Variants in FER observed in about 807,000 individuals in gnomAD.
FER encodes the protein FER tyrosine kinase.
Under a neutral mutation model 111.0 loss-of-function variants are expected in FER, and 63 were observed. That is an observed-to-expected ratio of 0.57 (90% CI 0.46 to 0.70). The LOEUF (loss-of-function observed/expected upper bound fraction) is 0.70, where lower values mean the gene tolerates loss of function less well. FER is among the 30% of genes least tolerant of loss of function. FER has a pLI of 0.00. For missense variants in FER, 914 were observed against 954.0 expected, an observed-to-expected ratio of 0.96 and a Z score of 0.55; for synonymous variants, 327 against 313.9, an observed-to-expected ratio of 1.04 and a Z score of -0.44.
chr5:108,807,151 C>T (rs866650640), intron 3 of FER, among the ~76,000 whole-genome samples: 15 of 152,144 alleles, frequency 9.9e-5, no homozygotes, highest in African/African-American at 2.9e-4. Context: ...AATTTTCCTG[C>T]ACTAGCTCTC....
intron 13 of FER, among the ~76,000 whole-genome samples, chr5:109,016,502 A>G (rs1220368417): frequency 2.6e-5 from 4 of 152,094 alleles, no homozygotes; most frequent in Non-Finnish European, 5.9e-5. Context: ...CACTTTAACC[A>G]AGGACAACAG....
At chr5:109,180,667 G>A in intron 17 of FER, 80 bp from the exon 18 acceptor site, 1 of 1,451,252 alleles carries the variant, frequency 6.9e-7, no homozygotes. Context: ...ATGTAAAAAT[G>A]CAAAGTGTGG....
chr5:109,161,955 C>T (rs116727296), intron 17 of FER, among the ~76,000 whole-genome samples: 4,565 of 152,040 alleles, frequency 0.03, 234 homozygotes, highest in African/African-American at 0.11. Context: ...ATAGCCATTC[C>T]GACTGGTGTG....
At chr5:108,882,045 G>A (rs1364053467) in intron 8 of FER, among the ~76,000 whole-genome samples, 2 of 151,988 alleles carry the variant, frequency 1.3e-5, no homozygotes, top group African/African-American at 4.8e-5. Context: ...ACCTAATTCT[G>A]TTTTAGTGAC....
chr5:108,974,014 A>C (rs1761007895), intron 13 of FER, among the ~76,000 whole-genome samples: 1 of 152,170 alleles, frequency 6.6e-6, no homozygotes, highest in Admixed American at 6.5e-5. Context: ...GAAGATCATC[A>C]ATGTTCATCT....
intron 5 of FER, among the ~76,000 whole-genome samples, chr5:108,856,111 T>G (rs571593257): frequency 3.3e-5 from 5 of 152,232 alleles, no homozygotes; most frequent in African/African-American, 9.6e-5. Context: ...ATAAATAGAT[T>G]AGTCTTCACT....
intron 2 of FER, among the ~76,000 whole-genome samples, chr5:108,794,536 C>CG (rs983657029): frequency 3.1e-5 from 4 of 127,380 alleles, no homozygotes; most frequent in Non-Finnish European, 6.8e-5. Flanking sequence ...ACCCCCCCCC[C>CG]TCCCCGCACC....
intron 13 of FER, among the ~76,000 whole-genome samples, chr5:108,991,386 G>A (rs899230657): frequency 7.2e-5 from 11 of 151,770 alleles, no homozygotes; most frequent in African/African-American, 2.4e-4. Context: ...AAGTGTCACG[G>A]CCCCCCCAAA....
At chr5:109,002,165 G>A (rs1465125377) in intron 13 of FER, among the ~76,000 whole-genome samples, 6 of 151,174 alleles carry the variant, frequency 4.0e-5, no homozygotes, top group African/African-American at 1.5e-4. Flanking sequence ...GCATTGCCAA[G>A]TCACTCCTAA....
At chr5:109,049,581 A>G (rs968075881) in intron 16 of FER, among the ~76,000 whole-genome samples, 1 of 151,788 alleles carries the variant, frequency 6.6e-6, no homozygotes, top group African/African-American at 2.4e-5. Flanking sequence ...TTTTTTTTAA[A>G]ATGCTAAATT....
chr5:108,798,017 G>C (rs1756230509), intron 2 of FER, 107 bp from the exon 3 acceptor site: 1 of 546,238 alleles, frequency 1.8e-6, no homozygotes, highest in Non-Finnish European at 3.2e-6. Context: ...GTATTCAGTT[G>C]TGTTTTTTTT....
rs1174970525 is a variant in FER at position 109,190,811 on chromosome 5, G to T, written c.*3236G>T. On this transcript the variant is annotated 3_prime_UTR_variant, in exon 20 of 20. Transcript: ENST00000281092. ...TAATTCACTGTTTTATTACAAATAC[G>T]ATATTACTGAAACATCTTATTAGCA... 6.6e-6 allele frequency: 1 copy of T among 152,114 alleles called. No individual in the cohort carries two copies. The highest frequency in any genetic ancestry group is 1.5e-5 in the Non-Finnish European group (1 of 68,000). 9.4% of individuals were successfully genotyped at this position (152,114 alleles called of 1,614,324 possible).
intron 7 of FER, among the ~76,000 whole-genome samples, 167 bp from the exon 8 acceptor site, chr5:108,871,926 C>T (rs1333602484): frequency 6.6e-6 from 1 of 151,994 alleles, no homozygotes; most frequent in African/African-American, 2.4e-5. Context: ...ATCTAAGTCT[C>T]AAGTTACACA....
chr5:109,125,569 A>G (rs923447622), intron 17 of FER, among the ~76,000 whole-genome samples: 4 of 152,230 alleles, frequency 2.6e-5, no homozygotes, highest in African/African-American at 9.6e-5. Context: ...AATTAGGATA[A>G]TAATAGCACT....
At chr5:109,182,559 T>G (rs1299327690) in intron 18 of FER, among the ~76,000 whole-genome samples, 1 of 152,220 alleles carries the variant, frequency 6.6e-6, no homozygotes, top group Non-Finnish European at 1.5e-5. Context: ...AAGGTTTTTG[T>G]TAGATGACAA....
intron 13 of FER, among the ~76,000 whole-genome samples, chr5:109,016,918 A>T (rs914455829): frequency 1.3e-5 from 2 of 151,976 alleles, no homozygotes; most frequent in Non-Finnish European, 2.9e-5. Context: ...TTATAAGAGG[A>T]AGAGAGACCT....
Position 108,946,073 on chromosome 5 carries a change from G to A in FER, c.1237-57G>A, listed in dbSNP as rs184428455. ...TGGATAAGTACCTAAATACATAAAT[G>A]TCTATACATATTGGATAGTTTACTG... On this transcript the variant is annotated intron_variant, in intron 10 of 19. Transcript: ENST00000281092. 5.9e-6 allele frequency: 7 copies of A among 1,182,440 alleles called. No individual in the cohort carries two copies. The Admixed American group carries it at 8.6e-5, about 15-fold the overall frequency. 73.2% of individuals were successfully genotyped at this position (1,182,440 alleles called of 1,614,324 possible).
At chr5:109,105,336 T>A (rs1447622836) in intron 17 of FER, among the ~76,000 whole-genome samples, 2 of 151,700 alleles carry the variant, frequency 1.3e-5, no homozygotes, top group Non-Finnish European at 2.9e-5. Flanking sequence ...ACCATTTACA[T>A]TTTTCCCGAT....
chr5:109,119,311 G>C (rs970367941), intron 17 of FER, among the ~76,000 whole-genome samples: 12 of 152,250 alleles, frequency 7.9e-5, no homozygotes, highest in Admixed American at 7.8e-4. Context: ...CCATGTAGTT[G>C]AGTGGTTTTG....
Sources: gnomAD v4.1 joint callset for allele counts (sites outside exome capture counted in the v4.1 genomes callset) on GRCh38, gnomAD v4.1.1 for gene constraint, MANE v1.5 for transcripts, NCBI Gene and HGNC (gene_info 2026-07-23, HGNC 2026-07-21) for gene names.